The following BEST3 variants were observed in gnomAD, a reference collection of about 807,000 sequenced individuals.
BEST3 encodes the protein bestrophin-3.
In BEST3, 50 loss-of-function variants were observed where a neutral mutation model predicts 47.1. The ratio of observed to expected loss-of-function variants is 1.06; its 90% CI spans 0.85 to 1.34. The LOEUF (loss-of-function observed/expected upper bound fraction) is 1.34, where lower values mean the gene tolerates loss of function less well. Ranked by LOEUF, BEST3 falls within the 40% of genes most tolerant of loss-of-function variation. The pLI, the probability that BEST3 is intolerant of heterozygous loss-of-function variation, is 0.00. For missense variants in BEST3, 765 were observed against 817.0 expected (o/e 0.94, Z 0.78); for synonymous variants, 282 against 298.8 (o/e 0.94, Z 0.58).
intron 2 of BEST3, among the ~76,000 whole-genome samples, chr12:69,697,152 G>A (rs1223329410): frequency 6.6e-6 from 1 of 152,156 alleles, no homozygotes; most frequent in Non-Finnish European, 1.5e-5. Context: ...ACTGTTAAGT[G>A]TGGCAGGCAT....
At chr12:69,655,882 A>G in intron 9 of BEST3, 69 bp from the exon 10 acceptor site, 4 of 1,507,000 alleles carry the variant, frequency 2.7e-6, no homozygotes, top group Non-Finnish European at 3.5e-6. Flanking sequence ...CAGAGTCTCA[A>G]AGTTAAGAGA....
At chr12:69,667,493 A>C (rs1884299080) in intron 9 of BEST3, among the ~76,000 whole-genome samples, 1 of 151,964 alleles carries the variant, frequency 6.6e-6, no homozygotes, top group South Asian at 2.1e-4. Flanking sequence ...ACTGGGTTTC[A>C]CCATGTTGGC....
chr12:69,659,832 G>A (rs866909190), intron 9 of BEST3, among the ~76,000 whole-genome samples: 9 of 151,920 alleles, frequency 5.9e-5, no homozygotes, highest in African/African-American at 7.3e-5. Flanking sequence ...AATATTATAC[G>A]ATAGAATAAA....
Position 69,654,304 on chromosome 12 carries a change from TA to T in BEST3, c.*602del. 1 of 984,640 alleles carries T rather than the reference TA, an allele frequency of 1.0e-6. No homozygotes were observed. Among genetic ancestry groups the T allele is most frequent in the Non-Finnish European group, 1.2e-6 (1 of 829,440 alleles). 61.0% of individuals were successfully genotyped at this position (984,640 alleles called of 1,614,324 possible). ...AGAATAAAAGGAAAAGAGAGAAAAG[TA>T]AAAAAGGAAATTGAAGAGAATTAAG... On this transcript the variant is annotated 3_prime_UTR_variant, in exon 10 of 10. Coordinates refer to ENST00000330891, the MANE Select transcript of BEST3 (RefSeq NM_032735.3).
intron 9 of BEST3, among the ~76,000 whole-genome samples, chr12:69,663,661 CT>C (rs1884004247): frequency 6.6e-6 from 1 of 151,834 alleles, no homozygotes. Flanking sequence ...AGATCTTTGC[CT>C]CTTAAAAAAA....
rs1428665664 is a variant in BEST3, at chr12:69,697,690, T to C, written c.109A>G (p.Ile37Val). 9.3e-6 allele frequency: 15 copies of C among 1,610,150 alleles called. No homozygotes were observed. Among genetic ancestry groups the C allele is most frequent in the Non-Finnish European group, 1.3e-5 (15 of 1,178,470 alleles). ...SIYKLLYREF[I>V]VFAVLYTAIS... is the part of the protein sequence containing the mutation. ...GCTGTATAAAGAACAGCAAAAACAATAAATTCCCTGTACAGTAGTTTGTAG... is the reference window on the plus strand; with the variant it reads ...GCTGTATAAAGAACAGCAAAAACAACAAATTCCCTGTACAGTAGTTTGTAG... Residue 37 changes from isoleucine to valine, a missense_variant, in exon 2 of 10, where the codon ATT becomes GTT. Physicochemically the swap from Ile to Val is conservative, Grantham distance 29. Coordinates refer to ENST00000330891, the MANE Select transcript of BEST3 (RefSeq NM_032735.3).
chr12:69,686,164 C>T (rs1330547838), intron 4 of BEST3, among the ~76,000 whole-genome samples: 1 of 143,422 alleles, frequency 7.0e-6, no homozygotes, highest in Non-Finnish European at 1.5e-5. Context: ...CAAGGAACCC[C>T]AGAGCTGTGT....
rs763616574 is a variant in BEST3 at position 69,654,686 on chromosome 12, T to G, written c.*221A>C. ...AAATCACTGTGGTCTGTGTAACTTC[T>G]GATGAAAGCCATGTTGTGTTGGATG... On this transcript the variant is annotated 3_prime_UTR_variant, in exon 10 of 10. Coordinates refer to ENST00000330891, the MANE Select transcript of BEST3 (RefSeq NM_032735.3). 8.4e-6 allele frequency: 11 copies of G among 1,309,668 alleles called. No homozygotes were observed. Among genetic ancestry groups the G allele is most frequent in the Admixed American group, 3.4e-5 (1 of 29,196 alleles). The allele number at this position is 1,309,668 out of a possible 1,614,324, so 81.1% of individuals were successfully genotyped here. A position where few individuals can be genotyped will look rare whatever the true frequency, so the allele number is the denominator to read the frequency against.
At position 69,667,846 on chromosome 12, in the gene BEST3, C is replaced by G. The variant is rs142329982; in HGVS notation, c.1100+3582G>C. On this transcript the variant is annotated intron_variant, in intron 9 of 9. Coordinates refer to ENST00000330891, the MANE Select transcript of BEST3 (RefSeq NM_032735.3). ...CATAGAACCTACCTCATAGTAGGCC[C>G]TGAAAAAGATTTACCAGAATAAATA... 3.9e-3 allele frequency among the ~76,000 whole-genome samples: 588 copies of G among 152,136 alleles called. 5 individuals are homozygous for G. Among genetic ancestry groups the G allele is most frequent in the African/African-American group, 0.013 (545 of 41,488 alleles).
intron 4 of BEST3, among the ~76,000 whole-genome samples, chr12:69,693,349 C>T (rs561904661): frequency 2.2e-4 from 34 of 151,300 alleles, no homozygotes; most frequent in African/African-American, 6.5e-4. Flanking sequence ...CCTCTGCCTC[C>T]GCCTCCCGGG....
At chr12:69,645,297 G>A (rs1008751894) in intron 9 of BEST3, among the ~76,000 whole-genome samples, 2 of 152,120 alleles carry the variant, frequency 1.3e-5, no homozygotes, top group African/African-American at 4.8e-5. Context: ...AGGCTCCCAG[G>A]AACGCTAAGT....
At chr12:69,679,808 C>T (rs1286062048) in intron 4 of BEST3, among the ~76,000 whole-genome samples, 2 of 152,192 alleles carry the variant, frequency 1.3e-5, no homozygotes, top group Non-Finnish European at 2.9e-5. Context: ...TTGCAGTGAG[C>T]TGAGATCGTG....
intron 2 of BEST3, among the ~76,000 whole-genome samples, chr12:69,696,883 A>G (rs1886151211): frequency 6.6e-6 from 1 of 152,186 alleles, no homozygotes; most frequent in East Asian, 1.9e-4. Context: ...AAATTTATGC[A>G]TTCAATTTTA....
chr12:69,689,747 T>C (rs1296538116), intron 4 of BEST3, among the ~76,000 whole-genome samples: 1 of 152,154 alleles, frequency 6.6e-6, no homozygotes, highest in Non-Finnish European at 1.5e-5. Context: ...AAAGTTTAAG[T>C]CAGAACAATG....
chr12:69,689,034 T>TC, intron 4 of BEST3: 1 of 953,028 alleles, frequency 1.0e-6, no homozygotes, highest in Non-Finnish European at 1.2e-6. Context: ...CTTAACCTTG[T>TC]CCCCACCCCT....
intron 8 of BEST3, among the ~76,000 whole-genome samples, chr12:69,672,669 A>G (rs1170606708): frequency 6.6e-6 from 1 of 152,184 alleles, no homozygotes; most frequent in African/African-American, 2.4e-5. Flanking sequence ...ATTGGCTTGA[A>G]ATTCTACTTA....
intron 2 of BEST3, among the ~76,000 whole-genome samples, chr12:69,695,480 A>C (rs112687926): frequency 7.2e-5 from 11 of 152,180 alleles, no homozygotes; most frequent in Non-Finnish European, 4.4e-5. Context: ...TTCCTGCCCC[A>C]GCTTTGGAAG....
At chr12:69,682,371 G>C (rs1885306446) in intron 4 of BEST3, among the ~76,000 whole-genome samples, 1 of 152,092 alleles carries the variant, frequency 6.6e-6, no homozygotes, top group Non-Finnish European at 1.5e-5. Context: ...CAGGAGACTA[G>C]TTTTAGATAA....
At chr12:69,660,466 G>T (rs1883805247) in intron 9 of BEST3, 1 of 152,198 alleles carries the variant, frequency 6.6e-6, no homozygotes. Flanking sequence ...ATAGGGCACT[G>T]GGTGGGTGAA....
Sources: allele counts gnomAD v4.1 joint callset (sites outside exome capture counted in the v4.1 genomes callset), GRCh38; gene constraint gnomAD v4.1.1; transcripts MANE v1.5; gene names NCBI Gene and HGNC (gene_info 2026-07-23, HGNC 2026-07-21).